The following SART3 variants were observed in gnomAD, a reference collection of about 807,000 sequenced individuals.
The protein encoded by SART3 is HIV-1 Tat-interacting protein of 110kDa.
A neutral mutation model predicts 122.3 loss-of-function variants in SART3; 44 were observed. That is an observed-to-expected ratio of 0.36 (90% confidence interval 0.28 to 0.46). The LOEUF (loss-of-function observed/expected upper bound fraction) is 0.46, where lower values mean the gene tolerates loss of function less well. Ranked by LOEUF, SART3 falls within the 20% of genes least tolerant of loss-of-function variation. The pLI, the probability that SART3 is intolerant of heterozygous loss-of-function variation, is 1.00. For missense variants in SART3, 1,101 were observed against 1,229.0 expected, an observed-to-expected ratio of 0.90 and a Z score of 1.56; for synonymous variants, 442 against 454.0, an observed-to-expected ratio of 0.97 and a Z score of 0.34.
At chr12:108,559,494 C>T (rs2030381225) in intron 1 of SART3, among the ~76,000 whole-genome samples, 1 of 151,866 alleles carries the variant, frequency 6.6e-6, no homozygotes, top group African/African-American at 2.4e-5. Context: ...GGTGAAACCC[C>T]GTCTCTACTA....
Position 108,522,685 on chromosome 12 carries a change from T to C in SART3, c.*772A>G, listed in dbSNP as rs1872179989. The C allele has an allele frequency of 6.6e-6, 1 of 152,308 alleles. No individual in the cohort carries two copies. Among genetic ancestry groups the C allele is most frequent in the Non-Finnish European group, 1.5e-5 (1 of 68,164 alleles). The allele number at this position is 152,308 out of a possible 1,614,324, so 9.4% of individuals were successfully genotyped here. On this transcript the variant is annotated 3_prime_UTR_variant, in exon 19 of 19. Coordinates refer to ENST00000546815, the MANE Select transcript of SART3 (RefSeq NM_014706.4). ...CATCTGAGTACCATTCAGCAAGAAG[T>C]TTTGAAGAGAACGTCAGTTTAATAA...
rs1873028805 is a variant in SART3 at position 108,538,879 on chromosome 12, T to C, written c.1062+55A>G. 5 of 1,610,156 alleles carry C rather than the reference T, an allele frequency of 3.1e-6. No individual in the cohort carries two copies. In the African/African-American group the frequency reaches 6.7e-5, roughly 22 times the overall value. On this transcript the variant is annotated intron_variant, in intron 7 of 18. Coordinates refer to ENST00000546815, the MANE Select transcript of SART3 (RefSeq NM_014706.4). ...ACAAACTCCTGGCACTCTTACTGAT[T>C]TTAAGTAGATTCTAAATTGGCAAAA...
rs375684866 is a variant in SART3 at position 108,523,569 on chromosome 12, G to A, written c.2780C>T (p.Ala927Val). Residue 927 changes from alanine to valine, a missense_variant, in exon 19 of 19, where the codon GCT (alanine) becomes GTT (valine). Physicochemically the swap from Ala to Val is moderately conservative, Grantham distance 64 (BLOSUM62 0). Around this residue, in one of 2 missense-constraint regions of SART3, gnomAD observed 885 missense variants for 1,080.1 expected, o/e 0.82. Transcript: ENST00000546815. ...GGCAGGGCCGTTCTCAGCCTGAGGA[G>A]CTGCAGCACTTGGGCGCTGCAGGGC... The part of the protein sequence containing the change: ...PRALQRPSAA[A>V]PQAENGPAAA... 1.2e-6 allele frequency: 2 copies of A among 1,614,106 alleles called. No homozygotes were observed. Among genetic ancestry groups the A allele is most frequent in the East Asian group, 2.2e-5 (1 of 44,880 alleles).
chr12:108,556,102 T>C (rs905568343), intron 1 of SART3, among the ~76,000 whole-genome samples: 1 of 13,904 alleles, frequency 7.2e-5, no homozygotes, highest in African/African-American at 9.5e-5. Flanking sequence ...GAAACTCTCT[T>C]TTTTTTTTTT....
intron 12 of SART3, among the ~76,000 whole-genome samples, chr12:108,533,473 G>A (rs1305746460): frequency 6.6e-6 from 1 of 151,584 alleles, no homozygotes; most frequent in East Asian, 1.9e-4. Flanking sequence ...TACTTGAAAG[G>A]AAACTTGAGT....
chr12:108,533,973 T>C (rs916781024), intron 12 of SART3, among the ~76,000 whole-genome samples: 1 of 152,212 alleles, frequency 6.6e-6, no homozygotes, highest in Non-Finnish European at 1.5e-5. Context: ...CTTTCTTTCC[T>C]AACCTCTTCA....
At chr12:108,557,541 C>G (rs2030282725) in intron 1 of SART3, among the ~76,000 whole-genome samples, 1 of 152,172 alleles carries the variant, frequency 6.6e-6, no homozygotes. Flanking sequence ...TGGAGCAGCA[C>G]CTATTATGCG....
At chr12:108,535,786 TAAAA>T (rs34651226) in intron 11 of SART3, among the ~76,000 whole-genome samples, 9 of 143,084 alleles carry the variant, frequency 6.3e-5, no homozygotes, top group Admixed American at 1.4e-4. Context: ...GAGACAATGT[TAAAA>T]AAAAAAAAAA....
At chr12:108,533,986 GA>G (rs1872792601) in intron 12 of SART3, among the ~76,000 whole-genome samples, 1 of 152,086 alleles carries the variant, frequency 6.6e-6, no homozygotes, top group African/African-American at 2.4e-5. Flanking sequence ...CCTCTTCAAT[GA>G]AAACAACAGA....
At chr12:108,535,684 T>C in intron 11 of SART3, 3 of 572,018 alleles carry the variant, frequency 5.2e-6, no homozygotes, top group Non-Finnish European at 9.7e-6. Flanking sequence ...CTATGTTTCC[T>C]GAGAACCGAG....
In SART3 at chr12:108,523,134, AT is replaced by A. The variant is rs1287563835; in HGVS notation, c.*322del. On this transcript the variant is annotated 3_prime_UTR_variant, in exon 19 of 19. Transcript: ENST00000546815. ...AAAGGGGCCGGAGCTGGCCAGAAAC[AT>A]TTGGACAACTGTGTCTCAAAAACAG... 3 of 436,760 alleles carry A rather than the reference AT, an allele frequency of 6.9e-6. No homozygotes were observed. The highest frequency in any genetic ancestry group is 8.4e-6 in the Non-Finnish European group (2 of 237,270). The allele number at this position is 436,760 out of a possible 1,614,324, so 27.1% of individuals were successfully genotyped here. A position where few individuals can be genotyped will look rare whatever the true frequency, so the allele number is the denominator to read the frequency against.
chr12:108,532,466 G>T (rs1320996270), intron 12 of SART3, 132 bp from the exon 13 acceptor site: 2 of 721,832 alleles, frequency 2.8e-6, no homozygotes, highest in Admixed American at 2.1e-5. Flanking sequence ...TTAGCTTTCA[G>T]ATCTATCCAT....
At chr12:108,534,034 T>C (rs1872794752) in intron 12 of SART3, among the ~76,000 whole-genome samples, 2 of 152,218 alleles carry the variant, frequency 1.3e-5, no homozygotes, top group Admixed American at 6.5e-5. Flanking sequence ...CATGAGAATT[T>C]AGCTGTCTTC....
Position 108,537,563 on chromosome 12 carries a change from T to A in SART3, c.1234A>T (p.Ile412Phe). 1 of 1,614,138 alleles carries A rather than the reference T, an allele frequency of 6.2e-7. No homozygotes were observed. Among genetic ancestry groups the A allele is most frequent in the East Asian group, 2.2e-5 (1 of 44,878 alleles). ...TFEKALNAGF[I>F]QATDYVEIWQ... is the part of the protein sequence containing the mutation. The stretch of plus-strand genomic sequence containing the variant: ...ATCTCCACATAATCAGTGGCCTGGA[T>A]GAAGCCGGCATTCAAAGCTTTCTCG... Residue 412 changes from isoleucine to phenylalanine, a missense_variant, in exon 9 of 19, where the codon ATC becomes TTC. Physicochemically the swap from Ile to Phe is conservative, Grantham distance 21. Transcript: ENST00000546815.
chr12:108,532,015 T>C, intron 13 of SART3: 1 of 575,272 alleles, frequency 1.7e-6, no homozygotes. Context: ...TACAGTGACA[T>C]CACAGAGTCC....
At chr12:108,554,684 A>G (rs1428297323) in intron 1 of SART3, among the ~76,000 whole-genome samples, 1 of 148,536 alleles carries the variant, frequency 6.7e-6, no homozygotes, top group East Asian at 1.9e-4. Flanking sequence ...TTATATATTT[A>G]TATTTAGTAA....
intron 17 of SART3, chr12:108,524,780 A>C (rs559341962): frequency 3.8e-6 from 2 of 524,778 alleles, no homozygotes; most frequent in South Asian, 2.1e-5. Context: ...GTAGAAAGAA[A>C]GAAGGAAAAA....
At position 108,545,153 on chromosome 12, in the gene SART3, C is replaced by T. The variant is rs374234206; in HGVS notation, c.715G>A (p.Val239Met). 3.1e-6 allele frequency: 5 copies of T among 1,614,012 alleles called. No individual in the cohort carries two copies. The highest frequency in any genetic ancestry group is 3.4e-6 in the Non-Finnish European group (4 of 1,180,032). The change falls in exon 4 of 19, where the codon GTG (valine) becomes ATG (methionine). Residue 239 changes from valine (V) to methionine (M), a missense_variant. Transcript: ENST00000546815. ...CAGGTACTCACCCGAGCAGCTTCCA[C>T]AATCGCACTTTCAAACTCTCGGTAA... ...EAYREFESAI[V>M]EAARLEKVHS...
intron 7 of SART3, among the ~76,000 whole-genome samples, chr12:108,538,504 G>A (rs1459002493): frequency 5.3e-5 from 8 of 152,120 alleles, no homozygotes; most frequent in Admixed American, 2.6e-4. Flanking sequence ...ATTTACCAAC[G>A]AAATATCATT....
Sources: allele counts gnomAD v4.1 joint callset (sites outside exome capture counted in the v4.1 genomes callset), GRCh38; gene constraint gnomAD v4.1.1; regional missense constraint gnomAD v4.1.1; transcripts MANE v1.5; gene names NCBI Gene and HGNC (gene_info 2026-07-23, HGNC 2026-07-21).